The following GNPTAB variants were observed in gnomAD, a reference collection of about 807,000 sequenced individuals.
GNPTAB encodes the protein N-acetylglucosamine-1-phosphate transferase subunits alpha and beta, also known as N-acetylglucosamine-1-phosphotransferase subunits alpha/beta.
Under a neutral mutation model 136.6 loss-of-function variants are expected in GNPTAB, and 92 were observed. The observed-to-expected ratio is 0.67, with a 90% CI of 0.57 to 0.80. GNPTAB has a LOEUF of 0.80. Ranked by LOEUF, GNPTAB falls within the 30% of genes least tolerant of loss-of-function variation. The pLI, the probability that GNPTAB is intolerant of heterozygous loss-of-function variation, is 0.00. For synonymous variants in GNPTAB, 512 were observed against 535.1 expected (o/e 0.96, Z 0.60); for missense variants, 1,343 against 1,501.8 (o/e 0.89, Z 1.75).
chr12:101,795,783 T>C (rs1457972467), intron 2 of GNPTAB: 1 of 151,516 alleles, frequency 6.6e-6, no homozygotes, highest in African/African-American at 2.4e-5. Context: ...TAAAATAAAA[T>C]AAAATAAACA....
rs114895845 is a variant in GNPTAB at position 101,825,846 on chromosome 12, T to C, written c.117+4713A>G. 9.8e-3 allele frequency among the ~76,000 whole-genome samples: 1,485 copies of C among 152,230 alleles called. 22 individuals carry two copies. The highest frequency in any genetic ancestry group is 0.033 in the African/African-American group (1,367 of 41,530). On this transcript the variant is annotated intron_variant, in intron 1 of 20. Transcript: ENST00000299314. ...TCCCAGAAAACAAGTCCACACGAAA[T>C]AGATAAGAGGGGCTACTCCCAACCC...
rs1436317183 is a variant in GNPTAB, at chr12:101,745,994, T to G, written c.*1170A>C. ...TTGCAGTGAGCTGAGATTGCGCCACTGCACTCCAGCCTGGGCAACAGAGAG... is the reference window on the plus strand; with the variant it reads ...TTGCAGTGAGCTGAGATTGCGCCACGGCACTCCAGCCTGGGCAACAGAGAG... On this transcript the variant is annotated 3_prime_UTR_variant, in exon 21 of 21. Coordinates refer to ENST00000299314, the MANE Select transcript of GNPTAB (RefSeq NM_024312.5). 1 of 152,394 alleles carries G rather than the reference T, an allele frequency of 6.6e-6. No individual in the cohort carries two copies. The highest frequency in any genetic ancestry group is 2.4e-5 in the African/African-American group (1 of 41,420). The allele number at this position is 152,394 out of a possible 1,614,324, so 9.4% of individuals were successfully genotyped here.
At chr12:101,753,072 G>A (rs772753563) in intron 19 of GNPTAB, among the ~76,000 whole-genome samples, 8 of 152,024 alleles carry the variant, frequency 5.3e-5, no homozygotes, top group Admixed American at 2.0e-4. Context: ...GGCTAACATG[G>A]TGAAACTCTG....
intron 6 of GNPTAB, 32 bp downstream of exon 6, chr12:101,780,525 G>T: frequency 4.1e-6 from 6 of 1,460,102 alleles, no homozygotes; most frequent in Non-Finnish European, 5.8e-6. Flanking sequence ...CTAGTCTATT[G>T]TAAAAATGCA....
intron 19 of GNPTAB, among the ~76,000 whole-genome samples, chr12:101,750,664 G>A (rs1257103156): frequency 6.6e-6 from 1 of 152,198 alleles, no homozygotes; most frequent in Non-Finnish European, 1.5e-5. Context: ...TTTCCTCTGA[G>A]TTAAGGGAAA....
chr12:101,787,467 T>G (rs1868719444), intron 4 of GNPTAB, among the ~76,000 whole-genome samples: 2 of 152,188 alleles, frequency 1.3e-5, no homozygotes, highest in Admixed American at 1.3e-4. Flanking sequence ...TTTATAAAAT[T>G]TTGTGAGTTT....
At chr12:101,781,712 T>G (rs568938827) in intron 5 of GNPTAB, among the ~76,000 whole-genome samples, 1 of 152,082 alleles carries the variant, frequency 6.6e-6, no homozygotes, top group South Asian at 2.1e-4. Flanking sequence ...ATATAGTTGG[T>G]GAGCACTGAG....
Position 101,761,312 on chromosome 12 carries a change from T to C in GNPTAB, c.2950A>G (p.Lys984Glu). 6.2e-7 allele frequency: 1 copy of C among 1,614,124 alleles called. No individual in the cohort carries two copies. Among genetic ancestry groups the C allele is most frequent in the Non-Finnish European group, 8.5e-7 (1 of 1,180,034 alleles). Residue 984 changes from lysine (K) to glutamate (E), a missense_variant, in exon 15 of 21, where the codon AAA becomes GAA. Transcript: ENST00000299314. ...PEEFDKTSFH[K>E]VRHSEDMQFA... The stretch of plus-strand genomic sequence containing the variant: ...TGCATATCCTCAGAATGGCGCACTT[T>C]GTGAAATGACGTCTTGTCAAATTCT...
Position 101,761,126 on chromosome 12 carries a change from C to A in GNPTAB, c.3135+1G>T. On this transcript the variant is annotated splice_donor_variant, in intron 15 of 20. Transcript: ENST00000299314. LOFTEE classifies it high-confidence loss of function. ...AAGTTTAGAATAAGACAATACAACACCTGCAAACTTAACGGCAGTTCGTGA... is the reference window on the plus strand; with the variant it reads ...AAGTTTAGAATAAGACAATACAACAACTGCAAACTTAACGGCAGTTCGTGA... The A allele has an allele frequency of 6.2e-7, 1 of 1,605,884 alleles. No homozygotes were observed. Among genetic ancestry groups the A allele is most frequent in the Non-Finnish European group, 8.5e-7 (1 of 1,172,636 alleles).
chr12:101,747,177 C>G lies in GNPTAB; in HGVS notation c.3758G>C (p.Arg1253Pro), dbSNP rs778120023. The G allele has an allele frequency of 5.1e-6, 8 of 1,576,060 alleles. No individual in the cohort carries two copies. Among genetic ancestry groups the G allele is most frequent in the Non-Finnish European group, 7.0e-6 (8 of 1,145,414 alleles). ...AATGAAGATCTTCTATACTCTGATT[C>G]GATTGGGACTAGCTTCTTTGTGTAT... is the stretch of plus-strand genomic sequence containing the variant. ...RRIHKEASPN[R>P]IRV The change falls in exon 21 of 21, where the codon CGA becomes CCA. Residue 1253 changes from arginine (R) to proline (P), a missense_variant. By Grantham distance (103) the Arg-to-Pro change is moderately radical. Transcript: ENST00000299314.
chr12:101,776,983 C>G (rs1056660943), intron 7 of GNPTAB, among the ~76,000 whole-genome samples: 1 of 152,214 alleles, frequency 6.6e-6, no homozygotes, highest in East Asian at 1.9e-4. Flanking sequence ...GACGTACACC[C>G]CTAATGCAAC....
At chr12:101,796,481 T>A in intron 2 of GNPTAB, 196 bp downstream of exon 2, 1 of 614,162 alleles carries the variant, frequency 1.6e-6, no homozygotes, top group East Asian at 2.7e-5. Flanking sequence ...ATCTTCTCTG[T>A]ATCGTTCCAG....
chr12:101,774,670 T>A (rs1187122741), intron 7 of GNPTAB, among the ~76,000 whole-genome samples: 2 of 152,184 alleles, frequency 1.3e-5, no homozygotes, highest in Non-Finnish European at 2.9e-5. Flanking sequence ...CAAGGCAAGA[T>A]TAGAGCATAT....
In GNPTAB at chr12:101,773,233, T is replaced by A. The variant is rs1953208040; in HGVS notation, c.772-2076A>T. 4 of 214,862 alleles carry A rather than the reference T, an allele frequency of 1.9e-5. No homozygotes were observed. The South Asian group carries it at 2.0e-4, about 11-fold the overall frequency. The allele number at this position is 214,862 out of a possible 1,614,324, so 13.3% of individuals were successfully genotyped here. A position where few individuals can be genotyped will look rare whatever the true frequency, so the allele number is the denominator to read the frequency against. On this transcript the variant is annotated intron_variant, in intron 7 of 20. Coordinates refer to ENST00000299314, the MANE Select transcript of GNPTAB (RefSeq NM_024312.5). ...CTTATGTTTTCCTCCACCTTCTTAC[T>A]ACCTGTTTTTAATTCCTTGATATTT...
chr12:101,764,804 T>C lies in GNPTAB; in HGVS notation c.2113A>G (p.Lys705Glu). Residue 705 changes from lysine to glutamate, a missense_variant, in exon 13 of 21, where the codon AAA becomes GAA. Coordinates refer to ENST00000299314, the MANE Select transcript of GNPTAB (RefSeq NM_024312.5). ...GTATTGAGACTCAACTGGGCGTCTTTTGGAAGGAGTGAAATATTTACCAGG... is the reference window on the plus strand; with the variant it reads ...GTATTGAGACTCAACTGGGCGTCTTCTGGAAGGAGTGAAATATTTACCAGG... Reference protein sequence around the residue: ...IPLVNISLLPKDAQLSLNTLD... With the variant: ...IPLVNISLLPEDAQLSLNTLD... The C allele has an allele frequency of 1.2e-6, 2 of 1,614,224 alleles. No individual in the cohort carries two copies. Among genetic ancestry groups the C allele is most frequent in the Non-Finnish European group, 1.7e-6 (2 of 1,180,030 alleles).
intron 10 of GNPTAB, among the ~76,000 whole-genome samples, chr12:101,769,127 C>T (rs769212664): frequency 6.6e-6 from 1 of 151,696 alleles, no homozygotes; most frequent in Admixed American, 6.6e-5. Flanking sequence ...TCTAAGTTTA[C>T]GGTGATAAGT....
At chr12:101,780,506 AT>A in intron 6 of GNPTAB, 50 bp downstream of exon 6, 1 of 1,327,184 alleles carries the variant, frequency 7.5e-7, no homozygotes, top group Non-Finnish European at 1.1e-6. Context: ...TATTATTCAT[AT>A]TTTTATTCTA....
At chr12:101,782,701 G>A (rs996027111) in intron 5 of GNPTAB, among the ~76,000 whole-genome samples, 3 of 152,136 alleles carry the variant, frequency 2.0e-5, no homozygotes, top group Non-Finnish European at 2.9e-5. Context: ...GTTAAAGCCA[G>A]GTCCTTGTTA....
Position 101,780,299 on chromosome 12 carries a change from G to C in GNPTAB, c.637-13C>G, listed in dbSNP as rs758785862. ...CTTTATCTGTTGTCTAAAATAAGGG[G>C]AAAAACATAACTCATTTTCCACATC... On this transcript the variant is annotated splice_polypyrimidine_tract_variant and intron_variant, in intron 6 of 20. Coordinates refer to ENST00000299314, the MANE Select transcript of GNPTAB (RefSeq NM_024312.5). 6.2e-7 allele frequency: 1 copy of C among 1,613,642 alleles called. No individual in the cohort carries two copies. The highest frequency in any genetic ancestry group is 8.5e-7 in the Non-Finnish European group (1 of 1,179,688).
Sources: gnomAD v4.1 joint callset for allele counts (sites outside exome capture counted in the v4.1 genomes callset) on GRCh38, gnomAD v4.1.1 for gene constraint, MANE v1.5 for transcripts, NCBI Gene and HGNC (gene_info 2026-07-23, HGNC 2026-07-21) for gene names.